Variants in SPOCK1 observed in about 807,000 individuals in gnomAD.
The protein encoded by SPOCK1 is SPARC (osteonectin), cwcv and kazal like domains proteoglycan 1, also known as testican-1.
SPOCK1 carries 23 observed loss-of-function variants against 55.3 expected under a neutral mutation model. The observed-to-expected ratio is 0.42, with a 90% CI of 0.30 to 0.59. The LOEUF (loss-of-function observed/expected upper bound fraction) is 0.59, where lower values mean the gene tolerates loss of function less well. SPOCK1 is among the 20% of genes least tolerant of loss of function. The pLI, the probability that SPOCK1 is intolerant of heterozygous loss-of-function variation, is 0.22. For missense variants in SPOCK1, 499 were observed against 552.5 expected (o/e 0.90, Z 0.97); for synonymous variants, 226 against 221.0 (o/e 1.02, Z -0.20).
chr5:137,199,331 C>T (rs893893230), intron 3 of SPOCK1, among the ~76,000 whole-genome samples: 2 of 152,206 alleles, frequency 1.3e-5, no homozygotes, highest in Non-Finnish European at 2.9e-5. Context: ...CAATGACCCT[C>T]CTTCACCTCA....
At chr5:137,041,000 ATTTCT>A (rs1488167585) in intron 6 of SPOCK1, among the ~76,000 whole-genome samples, 1 of 152,196 alleles carries the variant, frequency 6.6e-6, no homozygotes. Flanking sequence ...AACCATACAT[ATTTCT>A]TTAAAAAAAT....
At chr5:137,099,570 A>G (rs980196179) in intron 5 of SPOCK1, among the ~76,000 whole-genome samples, 2 of 104,982 alleles carry the variant, frequency 1.9e-5, no homozygotes, top group Admixed American at 9.2e-5. Flanking sequence ...AAAAATATAT[A>G]TGTGTGTGTA....
chr5:137,291,302 TTTAA>T (rs1213134951), intron 2 of SPOCK1, among the ~76,000 whole-genome samples: 4 of 152,200 alleles, frequency 2.6e-5, no homozygotes, highest in Non-Finnish European at 5.9e-5. Context: ...CCAAATTTGA[TTTAA>T]TTCTCACAAC....
intron 3 of SPOCK1, among the ~76,000 whole-genome samples, chr5:137,228,240 C>T (rs1755983184): frequency 6.6e-6 from 1 of 152,202 alleles, no homozygotes; most frequent in South Asian, 2.1e-4. Flanking sequence ...AAGATGGCTC[C>T]CAGGCCACAG....
intron 2 of SPOCK1, among the ~76,000 whole-genome samples, chr5:137,363,954 T>C (rs1751003560): frequency 6.6e-6 from 1 of 152,122 alleles, no homozygotes; most frequent in South Asian, 2.1e-4. Context: ...GCAGTAAAAG[T>C]GAGCAGTGAG....
At chr5:137,070,900 A>C (rs1033690498) in intron 5 of SPOCK1, among the ~76,000 whole-genome samples, 3 of 152,212 alleles carry the variant, frequency 2.0e-5, no homozygotes, top group African/African-American at 7.2e-5. Context: ...CCACCAGAGA[A>C]AACAGTACTT....
At chr5:137,274,077 G>T (rs1650910154) in intron 2 of SPOCK1, among the ~76,000 whole-genome samples, 1 of 152,186 alleles carries the variant, frequency 6.6e-6, no homozygotes, top group Non-Finnish European at 1.5e-5. Context: ...CCAAGGGAAA[G>T]AACTGAGTCT....
At chr5:137,001,852 C>A (rs1266425877) in intron 6 of SPOCK1, among the ~76,000 whole-genome samples, 1 of 152,088 alleles carries the variant, frequency 6.6e-6, no homozygotes, top group Non-Finnish European at 1.5e-5. Context: ...ATAGAAAACA[C>A]AATAGGAGCT....
chr5:137,013,336 A>G (rs1274343041), intron 6 of SPOCK1, among the ~76,000 whole-genome samples: 1 of 152,216 alleles, frequency 6.6e-6, no homozygotes, highest in Non-Finnish European at 1.5e-5. Flanking sequence ...AGACTATCTC[A>G]GAGTCTTGAG....
Position 137,050,503 on chromosome 5 carries a change from G to A in SPOCK1, c.589+17212C>T, listed in dbSNP as rs1378855233. On this transcript the variant is annotated intron_variant, in intron 6 of 10. Coordinates refer to ENST00000394945, the MANE Select transcript of SPOCK1 (RefSeq NM_004598.4). ...AATGCCTCGCCCTGCTTCGGCTCGC[G>A]CACGGTGCGCGCACCCACTGGCCTG... 9.3e-5 allele frequency among the ~76,000 whole-genome samples: 14 copies of A among 150,806 alleles called. No individual in the cohort carries two copies. The East Asian group carries it at 1.4e-3, about 15-fold the overall frequency.
chr5:137,036,144 C>G (rs1751880306), intron 6 of SPOCK1, among the ~76,000 whole-genome samples: 1 of 152,198 alleles, frequency 6.6e-6, no homozygotes, highest in Non-Finnish European at 1.5e-5. Context: ...GGTAGTGCAT[C>G]TGTTTTCTTG....
intron 6 of SPOCK1, among the ~76,000 whole-genome samples, chr5:137,041,369 A>G (rs1751994508): frequency 1.3e-5 from 2 of 152,236 alleles, no homozygotes; most frequent in African/African-American, 2.4e-5. Flanking sequence ...CTAAACTATA[A>G]AACATCTAGA....
intron 3 of SPOCK1, among the ~76,000 whole-genome samples, chr5:137,246,223 A>T (rs1230087526): frequency 6.6e-6 from 1 of 152,228 alleles, no homozygotes; most frequent in Non-Finnish European, 1.5e-5. Flanking sequence ...GTGTACCCTT[A>T]GCAACATTTT....
At chr5:137,362,402 T>C (rs914030495) in intron 2 of SPOCK1, among the ~76,000 whole-genome samples, 1 of 148,630 alleles carries the variant, frequency 6.7e-6, no homozygotes, top group Non-Finnish European at 1.5e-5. Context: ...TGATCTCCAC[T>C]CACGGCAAGC....
chr5:137,419,103 A>G (rs983542878), intron 2 of SPOCK1, among the ~76,000 whole-genome samples: 19 of 152,122 alleles, frequency 1.2e-4, no homozygotes, highest in Non-Finnish European at 2.2e-4. Context: ...CAAAGATCAG[A>G]TGGTTGTAGA....
At chr5:137,474,739 T>C (rs1354907417) in intron 2 of SPOCK1, among the ~76,000 whole-genome samples, 1 of 152,190 alleles carries the variant, frequency 6.6e-6, no homozygotes, top group African/African-American at 2.4e-5. Flanking sequence ...ATAGGCACAG[T>C]GATGTCCATG....
intron 6 of SPOCK1, among the ~76,000 whole-genome samples, chr5:137,002,300 T>C (rs1468422781): frequency 6.6e-6 from 1 of 152,214 alleles, no homozygotes; most frequent in African/African-American, 2.4e-5. Flanking sequence ...ATTCTAATGA[T>C]AATCTTTCAT....
chr5:137,385,773 T>C (rs1038822739), intron 2 of SPOCK1, among the ~76,000 whole-genome samples: 21 of 152,360 alleles, frequency 1.4e-4, no homozygotes, highest in African/African-American at 4.8e-4. Flanking sequence ...CGGCATTCAC[T>C]GAACACATAC....
intron 2 of SPOCK1, among the ~76,000 whole-genome samples, chr5:137,466,043 T>C (rs555040907): frequency 6.6e-6 from 1 of 152,362 alleles, no homozygotes; most frequent in African/African-American, 2.4e-5. Context: ...AAAGACTTTA[T>C]TACTGGTTTA....
Sources: allele counts gnomAD v4.1 joint callset (sites outside exome capture counted in the v4.1 genomes callset), GRCh38; gene constraint gnomAD v4.1.1; transcripts MANE v1.5; gene names NCBI Gene and HGNC (gene_info 2026-07-23, HGNC 2026-07-21).